Variants in SPECC1L observed in about 807,000 individuals in gnomAD.
SPECC1L encodes the protein cytospin-A.
SPECC1L carries 40 observed loss-of-function variants against 116.8 expected under a neutral mutation model. That is an observed-to-expected ratio of 0.34 (90% CI 0.27 to 0.45). The LOEUF is 0.45. Among genes scored for constraint, SPECC1L ranks in the 20% least tolerant of loss-of-function variants. The probability of loss-of-function intolerance (pLI) is 1.00; values close to 1 mark genes in which losing one functional copy is unlikely to be tolerated. For synonymous variants in SPECC1L, 504 were observed against 500.6 expected, an observed-to-expected ratio of 1.01 and a Z score of -0.09; for missense variants, 1,110 against 1,373.6, an observed-to-expected ratio of 0.81 and a Z score of 3.03.
chr22:24,281,085 G>A (rs1219027550), intron 2 of SPECC1L, among the ~76,000 whole-genome samples: 1 of 152,172 alleles, frequency 6.6e-6, no homozygotes, highest in Non-Finnish European at 1.5e-5. Flanking sequence ...ACTTAAGGTA[G>A]TATGTAAGAG....
Position 24,313,396 on chromosome 22 carries a change from C to T in SPECC1L, c.237C>T (p.Cys79=). 6.2e-7 allele frequency: 1 copy of T among 1,614,128 alleles called. No individual in the cohort carries two copies. Among genetic ancestry groups the T allele is most frequent in the Non-Finnish European group, 8.5e-7 (1 of 1,180,018 alleles). Residue 79 remains cysteine, a synonymous_variant, in exon 4 of 17, where the codon TGC becomes TGT. Transcript: ENST00000314328. ...GTGTTAAAGGAAAGAAAAGCACCTG[C>T]CCATCTGCAGCACCTTCAGCATCTG... is the stretch of plus-strand genomic sequence containing the variant. ...TNGVKGKKST[C]PSAAPSASAP...
chr22:24,372,949 G>A (rs369413497), intron 14 of SPECC1L, among the ~76,000 whole-genome samples: 1 of 152,136 alleles, frequency 6.6e-6, no homozygotes, highest in Admixed American at 6.5e-5. Flanking sequence ...AAATCAATGT[G>A]CAAAAATCAC....
chr22:24,314,084 A>G (rs559133574), intron 4 of SPECC1L, among the ~76,000 whole-genome samples: 1 of 151,114 alleles, frequency 6.6e-6, no homozygotes, highest in African/African-American at 2.4e-5. Flanking sequence ...TCGCTCTGTC[A>G]CCCAGACTGG....
intron 11 of SPECC1L, among the ~76,000 whole-genome samples, chr22:24,347,875 C>T (rs750578650): frequency 3.3e-5 from 5 of 152,084 alleles, no homozygotes; most frequent in Non-Finnish European, 7.4e-5. Flanking sequence ...AGGGTTTCAC[C>T]ATGTTAGCCA....
chr22:24,316,079 A>T (rs2040557446), intron 4 of SPECC1L, among the ~76,000 whole-genome samples: 1 of 152,236 alleles, frequency 6.6e-6, no homozygotes, highest in Non-Finnish European at 1.5e-5. Flanking sequence ...GTGCGGGCAC[A>T]GTTCAGCCTA....
At chr22:24,301,921 C>T (rs552208798) in intron 2 of SPECC1L, among the ~76,000 whole-genome samples, 1 of 152,106 alleles carries the variant, frequency 6.6e-6, no homozygotes, top group Admixed American at 6.5e-5. Flanking sequence ...TGGTGGGTGC[C>T]TGTAGTCCCA....
intron 1 of SPECC1L, among the ~76,000 whole-genome samples, chr22:24,275,240 G>A (rs954030016): frequency 6.6e-6 from 1 of 152,254 alleles, no homozygotes; most frequent in African/African-American, 2.4e-5. Flanking sequence ...TGGGGTGCTG[G>A]TACAGTGCTG....
chr22:24,372,181 A>G (rs2041884139), intron 14 of SPECC1L, among the ~76,000 whole-genome samples: 1 of 152,190 alleles, frequency 6.6e-6, no homozygotes, highest in Non-Finnish European at 1.5e-5. Context: ...AGATGGATTC[A>G]CGGCCGAATT....
intron 14 of SPECC1L, among the ~76,000 whole-genome samples, chr22:24,394,088 A>G (rs2042321610): frequency 6.6e-6 from 1 of 152,048 alleles, no homozygotes; most frequent in South Asian, 2.1e-4. Flanking sequence ...TCAGCTGCTG[A>G]TGGACATTTG....
chr22:24,312,173 A>G (rs547025199), intron 3 of SPECC1L, among the ~76,000 whole-genome samples: 10 of 152,066 alleles, frequency 6.6e-5, no homozygotes, highest in Non-Finnish European at 1.2e-4. Flanking sequence ...GAATCTCCCT[A>G]TGTTGCCCAG....
chr22:24,314,008 A>C (rs1303611823), intron 4 of SPECC1L, among the ~76,000 whole-genome samples: 2 of 151,968 alleles, frequency 1.3e-5, no homozygotes, highest in Non-Finnish European at 2.9e-5. Flanking sequence ...AAGTGTTGGG[A>C]TTACAGGCAT....
At chr22:24,393,341 T>G (rs2042306506) in intron 14 of SPECC1L, among the ~76,000 whole-genome samples, 1 of 151,908 alleles carries the variant, frequency 6.6e-6, no homozygotes, top group Non-Finnish European at 1.5e-5. Context: ...AATATGAGGG[T>G]GAGATTAAGT....
intron 2 of SPECC1L, among the ~76,000 whole-genome samples, chr22:24,290,361 C>A (rs1292348500): frequency 6.6e-6 from 1 of 152,160 alleles, no homozygotes; most frequent in Non-Finnish European, 1.5e-5. Context: ...ATCTGGATGC[C>A]ATCTTTCCTC....
chr22:24,389,399 C>T (rs900782100), intron 14 of SPECC1L, among the ~76,000 whole-genome samples: 11 of 152,062 alleles, frequency 7.2e-5, no homozygotes, highest in African/African-American at 2.7e-4. Flanking sequence ...AGATGTGAGC[C>T]ACTGTGTCTG....
chr22:24,338,099 C>G (rs150170220), intron 9 of SPECC1L, among the ~76,000 whole-genome samples: 1 of 152,312 alleles, frequency 6.6e-6, no homozygotes, highest in African/African-American at 2.4e-5. Flanking sequence ...TTATGGAGCA[C>G]TTTAACTACA....
intron 13 of SPECC1L, among the ~76,000 whole-genome samples, chr22:24,368,614 T>A (rs1172558372): frequency 1.3e-5 from 2 of 152,190 alleles, no homozygotes; most frequent in Middle Eastern, 3.2e-3. Context: ...TTTTTTTAAA[T>A]GATGAGATGG....
chr22:24,403,948 C>T (rs2042531887), intron 14 of SPECC1L, among the ~76,000 whole-genome samples: 1 of 152,188 alleles, frequency 6.6e-6, no homozygotes, highest in Admixed American at 6.5e-5. Flanking sequence ...GAGACTCCCT[C>T]CCTTTTTTAA....
At position 24,326,951 on chromosome 22, in the gene SPECC1L, C is replaced by G. The variant is rs182012022; in HGVS notation, c.2147-1895C>G. ...ATAATTGTTGTAAATATTCTAGGCT[C>G]TATGTTGTTAAAGTGAATTCATGCC... On this transcript the variant is annotated intron_variant, in intron 6 of 16. Coordinates refer to ENST00000314328, the MANE Select transcript of SPECC1L (RefSeq NM_015330.6). 1.1e-4 allele frequency among the ~76,000 whole-genome samples: 16 copies of G among 152,136 alleles called. No individual in the cohort carries two copies. The East Asian group carries it at 3.1e-3, about 29-fold the overall frequency.
chr22:24,384,658 A>C (rs1455099100), intron 14 of SPECC1L, among the ~76,000 whole-genome samples: 1 of 152,208 alleles, frequency 6.6e-6, no homozygotes, highest in East Asian at 1.9e-4. Context: ...CTAGGGCTAC[A>C]CTCTGCTACA....
Sources: gnomAD v4.1 joint callset for allele counts (sites outside exome capture counted in the v4.1 genomes callset) on GRCh38, gnomAD v4.1.1 for gene constraint, MANE v1.5 for transcripts, NCBI Gene and HGNC (gene_info 2026-07-23, HGNC 2026-07-21) for gene names.